POU2F1: variants seen among roughly 807,000 people sequenced by gnomAD.
POU2F1 encodes the protein POU domain, class 2, transcription factor 1.
In POU2F1, 16 loss-of-function variants were observed where a neutral mutation model predicts 84.9. The observed-to-expected ratio is 0.19, with a 90% CI of 0.13 to 0.29. POU2F1 has a LOEUF of 0.29. POU2F1 is among the 10% of genes least tolerant of loss of function. The pLI, the probability that POU2F1 is intolerant of heterozygous loss-of-function variation, is 1.00. For synonymous variants in POU2F1, 368 were observed against 368.3 expected, an observed-to-expected ratio of 1.00 and a Z score of 0.01; for missense variants, 738 against 942.6, an observed-to-expected ratio of 0.78 and a Z score of 2.84.
chr1:167,221,002 C>G, intron 1 of POU2F1, 44 bp downstream of exon 1: 1 of 1,477,836 alleles, frequency 6.8e-7, no homozygotes, highest in Non-Finnish European at 9.1e-7. Flanking sequence ...ATACTCAACC[C>G]CGGCTCCCGC....
chr1:167,266,726 C>T lies in POU2F1; in HGVS notation c.61+45768C>T, dbSNP rs1651989492. Among the ~76,000 whole-genome samples the T allele has an allele frequency of 6.0e-5, 9 of 150,310 alleles. No individual in the cohort carries two copies. In the South Asian group the frequency reaches 1.7e-3, roughly 28 times the overall value. On this transcript the variant is annotated intron_variant, in intron 1 of 15. Transcript: ENST00000367866. ...GCAATCTCCACCTGCTGGGTTCAAG[C>T]GGTTCTTCTGCCTCAGCCTCCCAAG...
intron 14 of POU2F1, 30 bp from the exon 15 acceptor site, chr1:167,412,996 A>C: frequency 6.3e-7 from 1 of 1,576,586 alleles, no homozygotes; most frequent in Non-Finnish European, 8.7e-7. Flanking sequence ...TCTGCATGGT[A>C]ATAAAGTGAC....
Position 167,418,165 on chromosome 1 carries a change from G to A in POU2F1, c.*2355G>A, listed in dbSNP as rs1241912119. On this transcript the variant is annotated 3_prime_UTR_variant, in exon 16 of 16. Coordinates refer to ENST00000367866, the MANE Select transcript of POU2F1 (RefSeq NM_002697.4). The stretch of plus-strand genomic sequence containing the variant: ...GCAGTTCAGACACATCGAGGAGATA[G>A]ATGCTACTGACAATTTCTTTTTCAT... 1 of 152,208 alleles carries A rather than the reference G, an allele frequency of 6.6e-6. No homozygotes were observed. Among genetic ancestry groups the A allele is most frequent in the African/African-American group, 2.4e-5 (1 of 41,448 alleles). 9.4% of individuals were successfully genotyped at this position (152,208 alleles called of 1,614,324 possible). A position where few individuals can be genotyped will look rare whatever the true frequency, so the allele number is the denominator to read the frequency against.
intron 2 of POU2F1, among the ~76,000 whole-genome samples, chr1:167,350,984 G>A (rs944558428): frequency 2.7e-5 from 4 of 150,754 alleles, no homozygotes; most frequent in Admixed American, 2.6e-4. Context: ...GGCAACAAAA[G>A]CGAAACTCCA....
rs1462312350 is a variant in POU2F1, at chr1:167,421,186, T to C, written c.*5376T>C. 4 of 152,200 alleles carry C rather than the reference T, an allele frequency of 2.6e-5. No individual in the cohort carries two copies. The highest frequency in any genetic ancestry group is 2.9e-5 in the Non-Finnish European group (2 of 68,028). The allele number at this position is 152,200 out of a possible 1,614,324, so 9.4% of individuals were successfully genotyped here. A position where few individuals can be genotyped will look rare whatever the true frequency, so the allele number is the denominator to read the frequency against. On this transcript the variant is annotated 3_prime_UTR_variant, in exon 16 of 16. Transcript: ENST00000367866. ...TTTCTCAGCGTTTACAAACTTGGCT[T>C]TTGAGAAGGGAAAAATCCTCTTTGC...
chr1:167,312,988 G>A (rs943764388), intron 1 of POU2F1, among the ~76,000 whole-genome samples: 1 of 152,216 alleles, frequency 6.6e-6, no homozygotes, highest in African/African-American at 2.4e-5. Flanking sequence ...TAGCCTAGGT[G>A]TATAGTAGCC....
intron 1 of POU2F1, chr1:167,329,311 G>A: frequency 6.5e-7 from 1 of 1,548,314 alleles, no homozygotes; most frequent in Non-Finnish European, 8.7e-7. Flanking sequence ...TTCTAGGTGG[G>A]TACCAGCACA....
intron 2 of POU2F1, among the ~76,000 whole-genome samples, chr1:167,361,169 A>G (rs895070864): frequency 6.6e-6 from 1 of 151,904 alleles, no homozygotes; most frequent in Non-Finnish European, 1.5e-5. Context: ...GATGCTGTTT[A>G]TTTGTTTCTC....
intron 2 of POU2F1, among the ~76,000 whole-genome samples, chr1:167,343,632 A>AT (rs869170039): frequency 1.6e-4 from 11 of 69,388 alleles, no homozygotes; most frequent in Non-Finnish European, 2.3e-4. Context: ...CCAGGGGTCA[A>AT]TTTTTTTTTT....
At chr1:167,348,694 T>A (rs1658362617) in intron 2 of POU2F1, among the ~76,000 whole-genome samples, 1 of 152,172 alleles carries the variant, frequency 6.6e-6, no homozygotes, top group African/African-American at 2.4e-5. Context: ...TGGGCAATAA[T>A]AAATTGTGTT....
intron 14 of POU2F1, 21 bp from the exon 15 acceptor site, chr1:167,413,005 A>T (rs1161525960): frequency 6.3e-6 from 10 of 1,598,822 alleles, no homozygotes; most frequent in Non-Finnish European, 8.6e-6. Flanking sequence ...TAATAAAGTG[A>T]CTCCTCTTTT....
At chr1:167,402,230 G>A (rs188306482) in intron 13 of POU2F1, among the ~76,000 whole-genome samples, 6 of 152,222 alleles carry the variant, frequency 3.9e-5, no homozygotes, top group African/African-American at 1.4e-4. Context: ...TAGTGCATAA[G>A]ACATGCTGTA....
At chr1:167,401,685 T>C (rs1448083357) in intron 13 of POU2F1, 129 bp downstream of exon 13, 2 of 523,078 alleles carry the variant, frequency 3.8e-6, no homozygotes, top group African/African-American at 4.0e-5. Context: ...AAATATCAAT[T>C]TTCTTTAAAG....
intron 1 of POU2F1, among the ~76,000 whole-genome samples, chr1:167,320,479 T>G (rs1473238685): frequency 6.6e-6 from 1 of 152,232 alleles, no homozygotes; most frequent in African/African-American, 2.4e-5. Flanking sequence ...ACCTACAAAG[T>G]CAGCTAAGTG....
chr1:167,410,327 T>C (rs1649865083), intron 13 of POU2F1, among the ~76,000 whole-genome samples: 1 of 152,146 alleles, frequency 6.6e-6, no homozygotes. Flanking sequence ...CCCAACCCTG[T>C]GACATGTGAT....
chr1:167,325,232 G>A (rs1429205637), intron 1 of POU2F1, among the ~76,000 whole-genome samples: 25 of 152,168 alleles, frequency 1.6e-4, no homozygotes, highest in Admixed American at 1.6e-3. Context: ...GATGAAGGTT[G>A]GAAAGGATAT....
chr1:167,237,049 G>T (rs549014010), intron 1 of POU2F1, among the ~76,000 whole-genome samples: 2 of 152,174 alleles, frequency 1.3e-5, no homozygotes, highest in South Asian at 4.2e-4. Flanking sequence ...GAGTTCTCTG[G>T]GACTTGGGGA....
intron 1 of POU2F1, among the ~76,000 whole-genome samples, chr1:167,298,913 C>T (rs1201257102): frequency 6.6e-6 from 1 of 152,112 alleles, no homozygotes; most frequent in East Asian, 1.9e-4. Flanking sequence ...CCTGTAATCC[C>T]AGCACTTTGG....
chr1:167,386,484 C>T (rs1214853570), intron 8 of POU2F1, among the ~76,000 whole-genome samples: 3 of 152,222 alleles, frequency 2.0e-5, no homozygotes, highest in Non-Finnish European at 4.4e-5. Flanking sequence ...CCGCACCAGG[C>T]TGGCAGTTTC....
Sources: allele counts gnomAD v4.1 joint callset (sites outside exome capture counted in the v4.1 genomes callset), GRCh38; gene constraint gnomAD v4.1.1; transcripts MANE v1.5; gene names NCBI Gene and HGNC (gene_info 2026-07-23, HGNC 2026-07-21).